FSTL5: variants seen among roughly 807,000 people sequenced by gnomAD.
FSTL5 encodes the protein follistatin like 5.
Under a neutral mutation model 89.1 loss-of-function variants are expected in FSTL5, and 62 were observed. The observed-to-expected ratio is 0.70, with a 90% CI of 0.57 to 0.86. The LOEUF is 0.86. FSTL5 is among the 40% of genes least tolerant of loss of function. FSTL5 has a pLI of 0.00. For synonymous variants in FSTL5, 383 were observed against 346.2 expected (o/e 1.11, Z -1.18); for missense variants, 1,057 against 1,001.6 (o/e 1.06, Z -0.75).
chr4:161,947,999 G>T (rs1734781312), intron 3 of FSTL5, among the ~76,000 whole-genome samples: 1 of 151,926 alleles, frequency 6.6e-6, no homozygotes, highest in South Asian at 2.1e-4. Context: ...ATAGAATGCT[G>T]AGTATGGTGG....
intron 1 of FSTL5, among the ~76,000 whole-genome samples, chr4:162,130,408 G>C (rs560224186): frequency 2.0e-5 from 3 of 152,258 alleles, no homozygotes; most frequent in African/African-American, 7.2e-5. Flanking sequence ...CAAGTGATTA[G>C]AAAGGCGTAA....
chr4:162,097,567 G>T (rs1730814860), intron 2 of FSTL5, among the ~76,000 whole-genome samples: 2 of 151,662 alleles, frequency 1.3e-5, no homozygotes, highest in Admixed American at 1.3e-4. Context: ...ATTCCTATAA[G>T]CTAATTATAT....
intron 4 of FSTL5, among the ~76,000 whole-genome samples, chr4:161,853,923 T>C (rs746311204): frequency 1.3e-5 from 2 of 152,190 alleles, no homozygotes; most frequent in Admixed American, 6.5e-5. Flanking sequence ...AGACTCACTT[T>C]GCTTATCAAT....
intron 3 of FSTL5, among the ~76,000 whole-genome samples, chr4:161,946,458 G>C (rs1312243755): frequency 1.3e-5 from 2 of 152,060 alleles, no homozygotes; most frequent in Non-Finnish European, 2.9e-5. Flanking sequence ...TGTTGCCTTT[G>C]GGGAAGGATG....
intron 14 of FSTL5, among the ~76,000 whole-genome samples, chr4:161,455,819 A>G (rs1311501290): frequency 6.6e-6 from 1 of 152,032 alleles, no homozygotes; most frequent in African/African-American, 2.4e-5. Context: ...CTACTGCACA[A>G]CCATTGTTCT....
intron 2 of FSTL5, among the ~76,000 whole-genome samples, chr4:162,084,586 T>C (rs938630700): frequency 9.9e-5 from 15 of 152,068 alleles, no homozygotes; most frequent in African/African-American, 3.4e-4. Context: ...TGGAATACTA[T>C]GCAGCCATAA....
At chr4:161,468,263 C>A (rs1387037192) in intron 13 of FSTL5, among the ~76,000 whole-genome samples, 3 of 137,916 alleles carry the variant, frequency 2.2e-5, no homozygotes, top group African/African-American at 5.4e-5. Context: ...TTTTTTTTTA[C>A]AATAGGAACA....
At chr4:161,765,507 C>A (rs560365588) in intron 5 of FSTL5, among the ~76,000 whole-genome samples, 145 of 152,220 alleles carry the variant, frequency 9.5e-4, no homozygotes, top group African/African-American at 3.0e-3. Context: ...GTTCATTTCC[C>A]CTTGTAACAT....
At chr4:161,704,097 T>C (rs899576083) in intron 6 of FSTL5, among the ~76,000 whole-genome samples, 8 of 152,222 alleles carry the variant, frequency 5.3e-5, no homozygotes, top group Admixed American at 2.6e-4. Context: ...CTGCCTCCCA[T>C]TCTATTCAAA....
At chr4:161,962,218 AG>A (rs1042859371) in intron 3 of FSTL5, among the ~76,000 whole-genome samples, 2 of 152,006 alleles carry the variant, frequency 1.3e-5, no homozygotes, top group Non-Finnish European at 2.9e-5. Context: ...GTATTAAGAA[AG>A]GTCCAGATTT....
At chr4:161,671,821 C>T (rs1428670436) in intron 6 of FSTL5, among the ~76,000 whole-genome samples, 2 of 152,072 alleles carry the variant, frequency 1.3e-5, no homozygotes, top group African/African-American at 4.8e-5. Flanking sequence ...AATTTCTAGT[C>T]CGTGACAGTA....
intron 15 of FSTL5, among the ~76,000 whole-genome samples, chr4:161,404,277 C>A: frequency 6.6e-6 from 1 of 152,220 alleles, no homozygotes; most frequent in East Asian, 1.9e-4. Flanking sequence ...TTGGGCCAAT[C>A]AGTAGACACA....
intron 6 of FSTL5, among the ~76,000 whole-genome samples, chr4:161,699,330 A>G (rs1443987237): frequency 6.6e-6 from 1 of 152,188 alleles, no homozygotes; most frequent in Non-Finnish European, 1.5e-5. Flanking sequence ...TATTTTCACT[A>G]TCAATTATAT....
intron 13 of FSTL5, among the ~76,000 whole-genome samples, chr4:161,473,854 T>A (rs1208330192): frequency 6.6e-6 from 1 of 152,224 alleles, no homozygotes; most frequent in African/African-American, 2.4e-5. Flanking sequence ...TGATTTTACC[T>A]AAAGTGAGCC....
chr4:161,571,014 G>A (rs1578934101), intron 8 of FSTL5, among the ~76,000 whole-genome samples: 1 of 152,050 alleles, frequency 6.6e-6, no homozygotes, highest in East Asian at 1.9e-4. Flanking sequence ...CTACTCGGGA[G>A]GCTGAGGCAG....
At chr4:161,647,950 A>G (rs552426666) in intron 7 of FSTL5, among the ~76,000 whole-genome samples, 4 of 152,206 alleles carry the variant, frequency 2.6e-5, no homozygotes, top group African/African-American at 7.2e-5. Flanking sequence ...CCAGCACACT[A>G]GCAGCCACCG....
intron 7 of FSTL5, among the ~76,000 whole-genome samples, chr4:161,598,361 T>C (rs1023305511): frequency 6.9e-6 from 1 of 145,764 alleles, no homozygotes; most frequent in Non-Finnish European, 1.5e-5. Flanking sequence ...AGTGACAGAG[T>C]GAGACCCTGT....
intron 3 of FSTL5, among the ~76,000 whole-genome samples, chr4:161,961,524 AATATATAT>A (rs10601527): frequency 6.9e-6 from 1 of 144,524 alleles, no homozygotes; most frequent in Non-Finnish European, 1.5e-5. Context: ...ACTCTAGAAA[AATATATAT>A]ATATATATAC....
At chr4:161,809,129 G>A (rs1380405941) in intron 4 of FSTL5, among the ~76,000 whole-genome samples, 1 of 152,182 alleles carries the variant, frequency 6.6e-6, no homozygotes, top group Non-Finnish European at 1.5e-5. Flanking sequence ...TGAGGCAGGA[G>A]AATGGCGTGA....
Sources: allele counts gnomAD v4.1 joint callset (sites outside exome capture counted in the v4.1 genomes callset), GRCh38; gene constraint gnomAD v4.1.1; transcripts MANE v1.5; gene names NCBI Gene and HGNC (gene_info 2026-07-23, HGNC 2026-07-21).